GARNL3: variants seen among roughly 807,000 people sequenced by gnomAD.
GARNL3 encodes the protein GTPase activating Rap/RanGAP domain like 3, also known as GTPase-activating Rap/Ran-GAP domain-like protein 3.
Under a neutral mutation model 125.0 loss-of-function variants are expected in GARNL3, and 63 were observed. The observed-to-expected ratio is 0.50, with a 90% CI of 0.41 to 0.62. GARNL3 has a LOEUF of 0.62. Ranked by LOEUF, GARNL3 falls within the 20% of genes least tolerant of loss-of-function variation. The pLI is 0.00. For synonymous variants in GARNL3, 439 were observed against 457.5 expected, an observed-to-expected ratio of 0.96 and a Z score of 0.52; for missense variants, 994 against 1,244.0, an observed-to-expected ratio of 0.80 and a Z score of 3.02.
At chr9:127,369,643 G>A (rs893457106) in intron 22 of GARNL3, among the ~76,000 whole-genome samples, 1 of 152,214 alleles carries the variant, frequency 6.6e-6, no homozygotes, top group Non-Finnish European at 1.5e-5. Flanking sequence ...ACAAGAGCGG[G>A]CGTCTCTGGA....
intron 17 of GARNL3, 88 bp from the exon 18 acceptor site, chr9:127,353,758 G>A (rs960325777): frequency 2.7e-5 from 23 of 839,128 alleles, no homozygotes; most frequent in Admixed American, 1.8e-4. Context: ...AGATAACTTG[G>A]GTTCAAAACT....
chr9:127,344,103 A>G (rs1564160683), intron 14 of GARNL3, 132 bp from the exon 15 acceptor site: 7 of 659,608 alleles, frequency 1.1e-5, no homozygotes, highest in Admixed American at 2.6e-5. Flanking sequence ...TGCTCCATCA[A>G]TGCTTATTGA....
intron 2 of GARNL3, among the ~76,000 whole-genome samples, chr9:127,255,418 T>C (rs999585120): frequency 5.9e-5 from 9 of 152,316 alleles, no homozygotes; most frequent in African/African-American, 2.2e-4. Context: ...TGTGTAAATT[T>C]TTAAAACATG....
chr9:127,227,964 G>GA (rs2062942987), intron 1 of GARNL3, among the ~76,000 whole-genome samples: 1 of 152,090 alleles, frequency 6.6e-6, no homozygotes, highest in South Asian at 2.1e-4. Context: ...GAAGAAATCT[G>GA]AAAAATCAAG....
intron 6 of GARNL3, among the ~76,000 whole-genome samples, chr9:127,321,530 A>G (rs2065402772): frequency 6.6e-6 from 1 of 152,240 alleles, no homozygotes; most frequent in South Asian, 2.1e-4. Context: ...GGTATCCAGA[A>G]AGCCATTCCT....
chr9:127,244,036 C>T (rs777080885), intron 2 of GARNL3, among the ~76,000 whole-genome samples: 2 of 152,218 alleles, frequency 1.3e-5, no homozygotes, highest in Non-Finnish European at 1.5e-5. Flanking sequence ...TTTTGTGAAG[C>T]GAGTTCCTAG....
At chr9:127,344,165 C>A in intron 14 of GARNL3, 70 bp from the exon 15 acceptor site, 1 of 1,011,196 alleles carries the variant, frequency 9.9e-7, no homozygotes, top group Non-Finnish European at 1.5e-6. Flanking sequence ...TAGTTTTGTG[C>A]ACTATGAGAA....
chr9:127,224,940 GGGCGGGGCCT>G (rs2062873463), intron 1 of GARNL3, among the ~76,000 whole-genome samples: 1 of 139,504 alleles, frequency 7.2e-6, no homozygotes, highest in Non-Finnish European at 1.6e-5. Context: ...GGCGGGGCGT[GGGCGGGGCCT>G]GCTCCGGGCT....
intron 1 of GARNL3, among the ~76,000 whole-genome samples, chr9:127,277,640 A>C (rs951152930): frequency 6.6e-6 from 1 of 151,878 alleles, no homozygotes; most frequent in African/African-American, 2.4e-5. Flanking sequence ...GTCTTGCTCC[A>C]ACCTATCTCT....
intron 22 of GARNL3, 64 bp downstream of exon 22, chr9:127,365,430 A>C: frequency 8.0e-7 from 1 of 1,251,406 alleles, no homozygotes; most frequent in Non-Finnish European, 1.2e-6. Flanking sequence ...TTTTCTGGGC[A>C]ATTTAAAAAG....
rs1832428008 is a variant in GARNL3 at position 127,384,329 on chromosome 9, A to G, written c.2270-698A>G. 6.6e-6 allele frequency among the ~76,000 whole-genome samples: 1 copy of G among 152,172 alleles called. No individual in the cohort carries two copies. The highest frequency in any genetic ancestry group is 1.5e-5 in the Non-Finnish European group (1 of 68,024). ...GCCAGGAGAGCAGATGCGCTCATCCATGGAAAGAGTGCAGAGAGAGCCAGT... is the reference window on the plus strand; with the variant it reads ...GCCAGGAGAGCAGATGCGCTCATCCGTGGAAAGAGTGCAGAGAGAGCCAGT... On this transcript the variant is annotated intron_variant, in intron 23 of 27. Transcript: ENST00000373387. This position sits in a 1 kb window ranked among gnomAD's most constrained non-coding sequence, Gnocchi z 4.0.
chr9:127,371,107 C>A (rs931844618), intron 22 of GARNL3, among the ~76,000 whole-genome samples: 8 of 152,232 alleles, frequency 5.3e-5, no homozygotes, highest in Admixed American at 4.6e-4. Context: ...TGGACTTCTC[C>A]CTGCCTTTAC....
chr9:127,353,481 C>G, intron 17 of GARNL3: 1 of 144,534 alleles, frequency 6.9e-6, no homozygotes, highest in Non-Finnish European at 1.5e-5. Context: ...AATGGCTGCT[C>G]TTTTTTTTTT....
intron 27 of GARNL3, among the ~76,000 whole-genome samples, chr9:127,391,552 A>ATATATATATATATATATG (rs1292380673): frequency 1.5e-5 from 2 of 129,044 alleles, no homozygotes; most frequent in African/African-American, 5.7e-5. Context: ...ATATATATAT[A>ATATATATATATATATATG]GGCTGGGTCT....
chr9:127,227,282 T>C (rs1431958871), intron 1 of GARNL3, among the ~76,000 whole-genome samples: 1 of 152,200 alleles, frequency 6.6e-6, no homozygotes, highest in Non-Finnish European at 1.5e-5. Flanking sequence ...AGGATAATAA[T>C]GATTATCATT....
rs577317048 is a variant in GARNL3, at chr9:127,384,170, C to T, written c.2269+625C>T. 6.6e-5 allele frequency among the ~76,000 whole-genome samples: 10 copies of T among 152,280 alleles called. No homozygotes were observed. The East Asian group carries it at 1.9e-3, about 29-fold the overall frequency. On this transcript the variant is annotated intron_variant, in intron 23 of 27. Transcript: ENST00000373387. This position sits in a 1 kb window ranked among gnomAD's most constrained non-coding sequence, Gnocchi z 4.0. ...GAAGGCAGAGGGACCAACCTAAGATCCTGGGAGGACCAGTTAGACTTGATG... is the reference window on the plus strand; with the variant it reads ...GAAGGCAGAGGGACCAACCTAAGATTCTGGGAGGACCAGTTAGACTTGATG...
intron 1 of GARNL3, among the ~76,000 whole-genome samples, chr9:127,278,900 C>G (rs1047339354): frequency 1.3e-5 from 2 of 152,204 alleles, no homozygotes; most frequent in African/African-American, 4.8e-5. Flanking sequence ...ATCGCCTTCT[C>G]TCTGTGTCTC....
rs753815703 is a variant in GARNL3 at position 127,291,221 on chromosome 9, G to A, written c.198G>A (p.Val66=). The change falls in exon 2 of 28, where the codon GTG becomes GTA. Residue 66 remains valine (V), a synonymous_variant. Coordinates refer to ENST00000373387, the MANE Select transcript of GARNL3 (RefSeq NM_032293.5). ...TCCAAAGGGCTGGAAGATTCAGAGT[G>A]GAAAATGGCTCTTCAGATGAGGTAA... ...GAIQRAGRFR[V]ENGSSDENAT... 1.1e-5 allele frequency: 17 copies of A among 1,614,086 alleles called. No homozygotes were observed. Among genetic ancestry groups the A allele is most frequent in the Non-Finnish European group, 1.0e-5 (12 of 1,179,986 alleles).
chr9:127,229,621 G>A (rs561743936), intron 1 of GARNL3, among the ~76,000 whole-genome samples: 4 of 152,242 alleles, frequency 2.6e-5, no homozygotes, highest in African/African-American at 7.2e-5. Context: ...CCAGCCTCCC[G>A]AGTAGCTGAG....
Sources: gnomAD v4.1 joint callset for allele counts (sites outside exome capture counted in the v4.1 genomes callset) on GRCh38, gnomAD v4.1.1 for gene constraint, Gnocchi (gnomAD v3.1) non-coding constraint, MANE v1.5 for transcripts, NCBI Gene and HGNC (gene_info 2026-07-23, HGNC 2026-07-21) for gene names.